The following IGFBP4 variants were observed in gnomAD, a reference collection of about 807,000 sequenced individuals.
IGFBP4 encodes insulin-like growth factor-binding protein 4.
A neutral mutation model predicts 25.8 loss-of-function variants in IGFBP4; 9 were observed. That is an observed-to-expected ratio of 0.35 (90% CI 0.21 to 0.61). The LOEUF (loss-of-function observed/expected upper bound fraction) is 0.61. Among genes scored for constraint, IGFBP4 ranks in the 20% least tolerant of loss-of-function variants. The probability of loss-of-function intolerance (pLI) is 0.77; values close to 1 mark genes in which losing one functional copy is unlikely to be tolerated. For synonymous variants in IGFBP4, 153 were observed against 153.9 expected (o/e 0.99, Z 0.05); for missense variants, 315 against 365.3 (o/e 0.86, Z 1.12).
At chr17:40,445,687 A>G (rs2035640524) in intron 1 of IGFBP4, among the ~76,000 whole-genome samples, 1 of 152,124 alleles carries the variant, frequency 6.6e-6, no homozygotes, top group African/African-American at 2.4e-5. Context: ...GAAAGTCGCT[A>G]ATCTTGGGGC....
In IGFBP4 at chr17:40,444,223, C is replaced by T; in HGVS notation, c.349+139C>T. On this transcript the variant is annotated intron_variant, in intron 1 of 3. Transcript: ENST00000269593. ...AAGGCAGGTACGTGGCAGGGCCCGACTGGCATGGGACAGGCTCATCAAGGA... is the reference window on the plus strand; with the variant it reads ...AAGGCAGGTACGTGGCAGGGCCCGATTGGCATGGGACAGGCTCATCAAGGA... 1.1e-5 allele frequency: 8 copies of T among 708,424 alleles called. No homozygotes were observed. The South Asian group carries it at 1.1e-4, about 10-fold the overall frequency. 43.9% of individuals were successfully genotyped at this position (708,424 alleles called of 1,614,324 possible). A position where few individuals can be genotyped will look rare whatever the true frequency, so the allele number is the denominator to read the frequency against.
chr17:40,451,350 T>C (rs1164299664), intron 1 of IGFBP4, among the ~76,000 whole-genome samples: 1 of 152,234 alleles, frequency 6.6e-6, no homozygotes, highest in Non-Finnish European at 1.5e-5. Flanking sequence ...GTGAATTTTA[T>C]TAATAACCTT....
chr17:40,446,169 C>CAAAA (rs71152673), intron 1 of IGFBP4, among the ~76,000 whole-genome samples: 7 of 99,268 alleles, frequency 7.1e-5, no homozygotes, highest in Non-Finnish European at 9.9e-5. Flanking sequence ...CCCGTCTCTA[C>CAAAA]AAAAAAAAAA....
chr17:40,447,672 CAG>C (rs891396389), intron 1 of IGFBP4, among the ~76,000 whole-genome samples: 8 of 152,154 alleles, frequency 5.3e-5, no homozygotes, highest in African/African-American at 1.9e-4. Flanking sequence ...CACTTAAAGA[CAG>C]AGTGCTGCAG....
intron 1 of IGFBP4, among the ~76,000 whole-genome samples, chr17:40,448,841 C>G (rs1244277321): frequency 6.6e-6 from 1 of 152,142 alleles, no homozygotes; most frequent in Non-Finnish European, 1.5e-5. Flanking sequence ...GTGCCCTGCC[C>G]TGGCTCTGTG....
At chr17:40,457,725 AGAT>A (rs1300655064), downstream of IGFBP4, 1 of 152,186 alleles carries the variant, frequency 6.6e-6, no homozygotes, top group Non-Finnish European at 1.5e-5. Flanking sequence ...AAAAATGTCC[AGAT>A]GATTGTGTTT....
chr17:40,448,567 A>G (rs1279946891), intron 1 of IGFBP4, among the ~76,000 whole-genome samples: 3 of 152,252 alleles, frequency 2.0e-5, no homozygotes, highest in Non-Finnish European at 4.4e-5. Flanking sequence ...TCCAGAGGGC[A>G]CTACCAGGAT....
In IGFBP4 at chr17:40,456,509, G is replaced by C; in HGVS notation, c.703G>C (p.Val235Leu). The C allele has an allele frequency of 1.2e-6, 2 of 1,613,936 alleles. No homozygotes were observed. Among genetic ancestry groups the C allele is most frequent in the Non-Finnish European group, 1.7e-6 (2 of 1,179,908 alleles). Residue 235 changes from valine (V) to leucine (L), a missense_variant, in exon 4 of 4, where the codon GTG becomes CTG. By Grantham distance (32) the Val-to-Leu change is conservative. Transcript: ENST00000269593. ...CTGGTGTGTGGACCGGAAGACGGGGGTGAAGCTTCCGGGGGGCCTGGAGCC... is the reference window on the plus strand; with the variant it reads ...CTGGTGTGTGGACCGGAAGACGGGGCTGAAGCTTCCGGGGGGCCTGGAGCC... ...KCWCVDRKTG[V>L]KLPGGLEPKG...
intron 1 of IGFBP4, among the ~76,000 whole-genome samples, chr17:40,449,067 T>C (rs964771304): frequency 6.6e-5 from 10 of 152,106 alleles, no homozygotes; most frequent in Non-Finnish European, 1.5e-4. Flanking sequence ...CGTGTAGACA[T>C]GAACTGGGGA....
At chr17:40,447,820 G>A (rs1288165262) in intron 1 of IGFBP4, among the ~76,000 whole-genome samples, 2 of 152,156 alleles carry the variant, frequency 1.3e-5, no homozygotes, top group Non-Finnish European at 2.9e-5. Flanking sequence ...TTGAAGTGAT[G>A]AGGAAGATGG....
In IGFBP4 at chr17:40,457,601, T is replaced by G. The variant is rs1050530624; in HGVS notation, c.*1018T>G. On this transcript the variant is annotated 3_prime_UTR_variant, in exon 4 of 4. Transcript: ENST00000269593. ...CTACACCTCCCTCCCCACACCTCCC[T>G]ACTCCCCTGGGCATCTTCTGGCTTG... is the stretch of plus-strand genomic sequence containing the variant. 6.6e-6 allele frequency: 1 copy of G among 152,150 alleles called. No homozygotes were observed. The highest frequency in any genetic ancestry group is 2.4e-5 in the African/African-American group (1 of 41,380). 9.4% of individuals were successfully genotyped at this position (152,150 alleles called of 1,614,324 possible). A position where few individuals can be genotyped will look rare whatever the true frequency, so the allele number is the denominator to read the frequency against.
At chr17:40,452,337 G>A (rs1278003845) in intron 1 of IGFBP4, among the ~76,000 whole-genome samples, 4 of 152,176 alleles carry the variant, frequency 2.6e-5, no homozygotes, top group Non-Finnish European at 5.9e-5. Flanking sequence ...GGCTGTTCTT[G>A]TGGTCCTGGG....
At chr17:40,451,484 A>C (rs1415705086) in intron 1 of IGFBP4, among the ~76,000 whole-genome samples, 1 of 150,400 alleles carries the variant, frequency 6.6e-6, no homozygotes, top group Non-Finnish European at 1.5e-5. Context: ...CAACCCCCCC[A>C]GCTTTGGCTA....
In IGFBP4 at chr17:40,444,073, T is replaced by C. The variant is rs773465662; in HGVS notation, c.338T>C (p.Leu113Pro). Residue 113 changes from leucine (L) to proline (P), a missense_variant, in exon 1 of 4, where the codon CTG (leucine) becomes CCG (proline). Coordinates refer to ENST00000269593, the MANE Select transcript of IGFBP4 (RefSeq NM_001552.3). Reference protein sequence around the residue: ...LAEIEAIQESLQPSDKDEGDH... With the variant: ...LAEIEAIQESPQPSDKDEGDH... The stretch of plus-strand genomic sequence containing the variant: ...GAGATCGAGGCCATCCAGGAAAGCC[T>C]GCAGCCCTCTGGTAAGGTACCCCTG... 2.6e-6 allele frequency: 4 copies of C among 1,536,496 alleles called. No individual in the cohort carries two copies. The highest frequency in any genetic ancestry group is 2.0e-5 in the Admixed American group (1 of 50,994).
chr17:40,446,568 A>G lies in IGFBP4; in HGVS notation c.349+2484A>G, dbSNP rs144751915. Among the ~76,000 whole-genome samples the G allele has an allele frequency of 6.5e-3, 997 of 152,254 alleles. 9 individuals are homozygous for G. Among genetic ancestry groups the G allele is most frequent in the African/African-American group, 0.023 (958 of 41,538 alleles). Reference sequence around the variant, plus strand: ...GAGGTGGAGGTTGCAGTGAACCAAGATTGTGCCACTGCGCTTTAGCCTGGG... The same window carrying G: ...GAGGTGGAGGTTGCAGTGAACCAAGGTTGTGCCACTGCGCTTTAGCCTGGG... On this transcript the variant is annotated intron_variant, in intron 1 of 3. Transcript: ENST00000269593.
chr17:40,444,926 CAGAGACAGAGAGAG>C (rs1444058345), intron 1 of IGFBP4, among the ~76,000 whole-genome samples: 72 of 62,776 alleles, frequency 1.1e-3, no homozygotes, highest in Middle Eastern at 0.016. Flanking sequence ...CACACACACA[CAGAGACAGAGAGAG>C]AGAGAGAGAG....
intron 1 of IGFBP4, among the ~76,000 whole-genome samples, chr17:40,446,195 A>T (rs2035644410): frequency 6.7e-6 from 1 of 150,200 alleles, no homozygotes; most frequent in African/African-American, 2.5e-5. Flanking sequence ...AAAATAGGCA[A>T]CTGCAGTGGC....
chr17:40,454,712 A>C (rs1239971213), intron 3 of IGFBP4, among the ~76,000 whole-genome samples: 1 of 152,208 alleles, frequency 6.6e-6, no homozygotes, highest in African/African-American at 2.4e-5. Context: ...ACAAGCCTCC[A>C]GGAGGCTGGG....
Position 40,456,545 on chromosome 17 carries a change from C to G in IGFBP4, c.739C>G (p.Leu247Val). 6.2e-7 allele frequency: 1 copy of G among 1,613,392 alleles called. No homozygotes were observed. Among genetic ancestry groups the G allele is most frequent in the South Asian group, 1.1e-5 (1 of 91,056 alleles). The change falls in exon 4 of 4, where the codon CTG becomes GTG. Residue 247 changes from leucine (L) to valine (V), a missense_variant. Transcript: ENST00000269593. The part of the protein sequence containing the change: ...LPGGLEPKGE[L>V]DCHQLADSFR... ...GGGGGGCCTGGAGCCAAAGGGGGAG[C>G]TGGACTGCCACCAGCTGGCTGACAG... is the stretch of plus-strand genomic sequence containing the variant.
Sources: allele counts gnomAD v4.1 joint callset (sites outside exome capture counted in the v4.1 genomes callset), GRCh38; gene constraint gnomAD v4.1.1; transcripts MANE v1.5; gene names NCBI Gene and HGNC (gene_info 2026-07-23, HGNC 2026-07-21).